ARHGAP21: variants seen among roughly 807,000 people sequenced by gnomAD.
ARHGAP21 encodes rho GTPase-activating protein 21.
Under a neutral mutation model 164.6 loss-of-function variants are expected in ARHGAP21, and 38 were observed. That is an observed-to-expected ratio of 0.23 (90% confidence interval 0.18 to 0.30). The LOEUF is 0.30. Among genes scored for constraint, ARHGAP21 ranks in the 10% least tolerant of loss-of-function variants. ARHGAP21 has a pLI of 1.00. For synonymous variants in ARHGAP21, 766 were observed against 857.9 expected, an observed-to-expected ratio of 0.89 and a Z score of 1.87; for missense variants, 1,822 against 2,370.7, an observed-to-expected ratio of 0.77 and a Z score of 4.81.
intron 7 of ARHGAP21, chr10:24,629,310 A>T (rs1302463115): frequency 2.0e-5 from 3 of 151,942 alleles, no homozygotes; most frequent in Non-Finnish European, 2.9e-5. Flanking sequence ...GATGAAATTT[A>T]TATTTTTATC....
At chr10:24,682,070 A>T (rs995377665) in intron 2 of ARHGAP21, among the ~76,000 whole-genome samples, 1 of 152,062 alleles carries the variant, frequency 6.6e-6, no homozygotes, top group Admixed American at 6.6e-5. Flanking sequence ...TTGTAAAGGG[A>T]TTAAAACAGT....
chr10:24,675,344 G>T (rs939849253), intron 2 of ARHGAP21, among the ~76,000 whole-genome samples: 10 of 152,174 alleles, frequency 6.6e-5, no homozygotes, highest in African/African-American at 2.4e-4. Context: ...CATACTGTAT[G>T]CTCCATTTAT....
chr10:24,606,888 G>GTAA lies in ARHGAP21; in HGVS notation c.2684+608_2684+610dup, dbSNP rs2077048963. The stretch of plus-strand genomic sequence containing the variant: ...AATAAAAATAGACATACCCTTTGAT[G>GTAA]TAAGAATCCTGTTTTCGATTATATT... On this transcript the variant is annotated intron_variant, in intron 11 of 25. Transcript: ENST00000396432. Among the ~76,000 whole-genome samples the GTAA allele has an allele frequency of 3.9e-5, 6 of 152,252 alleles. No homozygotes were observed. In the South Asian group the frequency reaches 1.2e-3, roughly 32 times the overall value.
chr10:24,668,116 T>C (rs1022837679), intron 3 of ARHGAP21, among the ~76,000 whole-genome samples: 10 of 152,202 alleles, frequency 6.6e-5, no homozygotes, highest in African/African-American at 2.4e-4. Flanking sequence ...GGTACTACTA[T>C]TGTGTTAGTC....
intron 2 of ARHGAP21, among the ~76,000 whole-genome samples, chr10:24,688,169 T>C (rs554358869): frequency 6.6e-6 from 1 of 152,284 alleles, no homozygotes; most frequent in African/African-American, 2.4e-5. Context: ...GGCGGGTGGA[T>C]CACCTGAGGT....
intron 2 of ARHGAP21, among the ~76,000 whole-genome samples, chr10:24,719,383 A>G (rs1018644131): frequency 2.0e-5 from 3 of 152,180 alleles, no homozygotes; most frequent in Non-Finnish European, 4.4e-5. Flanking sequence ...TAAAATTGCA[A>G]TGCTTAAGAT....
At chr10:24,596,083 A>C (rs779366615) in intron 17 of ARHGAP21, 40 bp from the exon 18 acceptor site, 9 of 1,513,054 alleles carry the variant, frequency 5.9e-6, no homozygotes, top group South Asian at 1.3e-5. Context: ...AATGCAGCAC[A>C]AATGTTTAGT....
chr10:24,707,308 A>G (rs1383968304), intron 2 of ARHGAP21, among the ~76,000 whole-genome samples: 1 of 152,218 alleles, frequency 6.6e-6, no homozygotes, highest in Non-Finnish European at 1.5e-5. Context: ...TTAATCTGAA[A>G]TAACATCTGT....
intron 5 of ARHGAP21, among the ~76,000 whole-genome samples, chr10:24,634,639 C>G (rs1455790927): frequency 6.6e-6 from 1 of 152,174 alleles, no homozygotes; most frequent in Non-Finnish European, 1.5e-5. Flanking sequence ...TCAGGCACTT[C>G]CAGAACTTGA....
chr10:24,698,040 C>A (rs1198856445), intron 2 of ARHGAP21, among the ~76,000 whole-genome samples: 1 of 151,930 alleles, frequency 6.6e-6, no homozygotes, highest in East Asian at 1.9e-4. Flanking sequence ...TATGACCACC[C>A]TTAGAAAAAT....
intron 2 of ARHGAP21, among the ~76,000 whole-genome samples, chr10:24,693,836 A>ATGAATGTT (rs1376508516): frequency 6.6e-6 from 1 of 152,188 alleles, no homozygotes; most frequent in African/African-American, 2.4e-5. Flanking sequence ...TGAGTAGAAA[A>ATGAATGTT]TGAATGTTTT....
At chr10:24,629,388 G>GA (rs1178576685) in intron 7 of ARHGAP21, 1 of 151,980 alleles carries the variant, frequency 6.6e-6, no homozygotes, top group Non-Finnish European at 1.5e-5. Context: ...ATAAAAATCA[G>GA]AAAAATATTT....
chr10:24,621,133 T>A lies in ARHGAP21; in HGVS notation c.762A>T (p.Pro254=). The A allele has an allele frequency of 1.2e-6, 2 of 1,613,690 alleles. No homozygotes were observed. The highest frequency in any genetic ancestry group is 1.7e-6 in the Non-Finnish European group (2 of 1,179,626). ...CTGTGTTTGATTTTGCAACATCTGT[T>A]GGTGATGGAGGCACTTGTATTTCCA... is the stretch of plus-strand genomic sequence containing the variant. ...YRMEIQVPPS[P]TDVAKSNTAV... is the part of the protein sequence containing the mutation. The change falls in exon 9 of 26, where the codon CCA becomes CCT. Residue 254 remains proline, a synonymous_variant. Transcript: ENST00000396432.
chr10:24,617,214 C>T (rs7913390), intron 9 of ARHGAP21, among the ~76,000 whole-genome samples: 47,259 of 151,932 alleles, frequency 0.31, 7,563 homozygotes, highest in East Asian at 0.34. Flanking sequence ...CCAAAATCTT[C>T]TCTTTAATAA....
rs1320898666 is a variant in ARHGAP21, at chr10:24,593,356, TGTGCTG to T, written c.3877-1350_3877-1345del. On this transcript the variant is annotated intron_variant, in intron 21 of 25. Coordinates refer to ENST00000396432, the MANE Select transcript of ARHGAP21 (RefSeq NM_020824.4). ...TATGTACTCATCCTCCTCTTAAATC[TGTGCTG>T]GTGCTGGTGGCTCAAAAAACAGAAG... Among the ~76,000 whole-genome samples the T allele has an allele frequency of 7.2e-5, 11 of 152,322 alleles. No homozygotes were observed. In the South Asian group the frequency reaches 1.0e-3, roughly 14 times the overall value.
intron 4 of ARHGAP21, among the ~76,000 whole-genome samples, chr10:24,648,467 ATCT>A (rs1837808953): frequency 1.3e-5 from 2 of 152,160 alleles, no homozygotes; most frequent in Non-Finnish European, 2.9e-5. Flanking sequence ...TGTTTTCTCC[ATCT>A]TCTTTTTAAA....
chr10:24,659,461 A>G (rs1375683564), intron 4 of ARHGAP21, among the ~76,000 whole-genome samples: 2 of 152,234 alleles, frequency 1.3e-5, no homozygotes, highest in East Asian at 3.9e-4. Context: ...GATTACAGGC[A>G]TGTGCCACCA....
rs1169527130 is a variant in ARHGAP21 at position 24,583,941 on chromosome 10, T to C, written c.*471A>G. ...GAATGACTAAAGAATGGAAGTTCTG[T>C]ATCCACCTGTGTTAAAACTGGTAAA... is the stretch of plus-strand genomic sequence containing the variant. On this transcript the variant is annotated 3_prime_UTR_variant, in exon 26 of 26. Coordinates refer to ENST00000396432, the MANE Select transcript of ARHGAP21 (RefSeq NM_020824.4). The C allele has an allele frequency of 2.6e-5, 4 of 152,674 alleles. No individual in the cohort carries two copies. The highest frequency in any genetic ancestry group is 9.6e-5 in the African/African-American group (4 of 41,466). The allele number at this position is 152,674 out of a possible 1,614,324, so 9.5% of individuals were successfully genotyped here. A position where few individuals can be genotyped will look rare whatever the true frequency, so the allele number is the denominator to read the frequency against.
chr10:24,704,758 C>T (rs948149564), intron 2 of ARHGAP21, among the ~76,000 whole-genome samples: 4 of 151,972 alleles, frequency 2.6e-5, no homozygotes, highest in African/African-American at 7.3e-5. Flanking sequence ...TGTGAGCCAC[C>T]GCGTCTGGTG....
Sources: gnomAD v4.1 joint callset for allele counts (sites outside exome capture counted in the v4.1 genomes callset) on GRCh38, gnomAD v4.1.1 for gene constraint, MANE v1.5 for transcripts, NCBI Gene and HGNC (gene_info 2026-07-23, HGNC 2026-07-21) for gene names.